Variants in SUGCT observed in about 807,000 individuals in gnomAD.
SUGCT encodes succinyl-CoA:glutarate-CoA transferase.
Under a neutral mutation model 55.0 loss-of-function variants are expected in SUGCT, and 41 were observed. That is an observed-to-expected ratio of 0.74 (90% CI 0.58 to 0.97). SUGCT has a LOEUF of 0.97. SUGCT is among the 50% of genes least tolerant of loss of function. The pLI, the probability that SUGCT is intolerant of heterozygous loss-of-function variation, is 0.00. For synonymous variants in SUGCT, 187 were observed against 200.4 expected (o/e 0.93, Z 0.56); for missense variants, 568 against 547.8 (o/e 1.04, Z -0.37).
At position 40,675,159 on chromosome 7, in the gene SUGCT, C is replaced by G. The variant is rs373633761; in HGVS notation, c.1090-74275C>G. Among the ~76,000 whole-genome samples, 74 of 150,184 alleles carry G rather than the reference C, an allele frequency of 4.9e-4. 4 individuals are homozygous for G. The South Asian group carries it at 0.01, about 21-fold the overall frequency. ...CACTGCAACCTCCGCCTCTTGGGTT[C>G]AAGCAATTCTCCTGCCTCAGCTCCC... On this transcript the variant is annotated intron_variant, in intron 12 of 13. Transcript: ENST00000335693.
At chr7:40,147,680 G>C (rs1490023429) in intron 1 of SUGCT, among the ~76,000 whole-genome samples, 1 of 152,214 alleles carries the variant, frequency 6.6e-6, no homozygotes, top group Non-Finnish European at 1.5e-5. Context: ...CCGCGTTGCT[G>C]AGAGCTCGGG....
intron 8 of SUGCT, among the ~76,000 whole-genome samples, chr7:40,300,006 T>G (rs1255781262): frequency 6.6e-6 from 1 of 152,186 alleles, no homozygotes; most frequent in Non-Finnish European, 1.5e-5. Flanking sequence ...GGGGGTTGTT[T>G]TTCCTGGATG....
chr7:40,842,040 A>G (rs534536675), intron 13 of SUGCT, among the ~76,000 whole-genome samples: 1 of 152,340 alleles, frequency 6.6e-6, no homozygotes, highest in African/African-American at 2.4e-5. Context: ...TAACCACAGA[A>G]TTAATATTAG....
intron 13 of SUGCT, among the ~76,000 whole-genome samples, chr7:40,825,838 A>T (rs149689682): frequency 1.3e-5 from 2 of 152,214 alleles, no homozygotes; most frequent in Non-Finnish European, 1.5e-5. Context: ...CATGGCATAG[A>T]AACTCGTATT....
At chr7:40,397,763 T>A (rs182675740) in intron 9 of SUGCT, among the ~76,000 whole-genome samples, 2 of 152,276 alleles carry the variant, frequency 1.3e-5, no homozygotes, top group Admixed American at 1.3e-4. Context: ...TTGCTGGTAT[T>A]CTTGTGATCA....
chr7:40,499,808 C>A (rs1792183248), intron 12 of SUGCT, among the ~76,000 whole-genome samples: 1 of 152,082 alleles, frequency 6.6e-6, no homozygotes, highest in Admixed American at 6.6e-5. Context: ...TTCTTTTAAT[C>A]AAGCCAAGAT....
At chr7:40,218,152 G>A (rs1406095553) in intron 6 of SUGCT, among the ~76,000 whole-genome samples, 3 of 152,198 alleles carry the variant, frequency 2.0e-5, no homozygotes, top group Non-Finnish European at 2.9e-5. Context: ...GGCAGAGGCT[G>A]CCGTGAGCTG....
rs35917913 is a variant in SUGCT at position 40,145,509 on chromosome 7, CT to C, written c.100+10403del. The stretch of plus-strand genomic sequence containing the variant: ...GTTTTTACATAAATTCTCCTCCCCA[CT>C]TTTTTTTTTTTTTCTCAAAGATAAT... On this transcript the variant is annotated intron_variant, in intron 1 of 13. Transcript: ENST00000335693. 1.7e-3 allele frequency among the ~76,000 whole-genome samples: 253 copies of C among 144,890 alleles called. 2 individuals carry two copies. Among genetic ancestry groups the C allele is most frequent in the South Asian group, 0.014 (63 of 4,598 alleles).
At chr7:40,823,779 T>G (rs1340394861) in intron 13 of SUGCT, among the ~76,000 whole-genome samples, 2 of 152,170 alleles carry the variant, frequency 1.3e-5, no homozygotes, top group Non-Finnish European at 2.9e-5. Context: ...TTTATTTCCC[T>G]TAAGTTTCAA....
At chr7:40,994,590 C>G in the SUGCT span, among the ~76,000 whole-genome samples, 1 of 152,176 alleles carries the variant, frequency 6.6e-6, no homozygotes, top group Admixed American at 6.5e-5. Flanking sequence ...AATGCAGGGC[C>G]TGGCCAGAGA....
chr7:40,715,315 C>T (rs1785963148), intron 12 of SUGCT, among the ~76,000 whole-genome samples: 1 of 152,092 alleles, frequency 6.6e-6, no homozygotes, highest in Non-Finnish European at 1.5e-5. Context: ...GTGACCTCAT[C>T]TATACAATTG....
chr7:40,381,411 C>G (rs952043928), intron 9 of SUGCT, among the ~76,000 whole-genome samples: 1 of 151,966 alleles, frequency 6.6e-6, no homozygotes, highest in Non-Finnish European at 1.5e-5. Flanking sequence ...CTTTTGTTCA[C>G]ATGGATAAAG....
chr7:40,881,623 G>T, the SUGCT span, among the ~76,000 whole-genome samples: 1 of 152,232 alleles, frequency 6.6e-6, no homozygotes, highest in Non-Finnish European at 1.5e-5. Flanking sequence ...TTCTTAACAT[G>T]ATAGTTGCAT....
At chr7:40,984,738 G>C in the SUGCT span, among the ~76,000 whole-genome samples, 3 of 152,084 alleles carry the variant, frequency 2.0e-5, no homozygotes, top group Admixed American at 6.6e-5. Flanking sequence ...GGACAATGTC[G>C]GTGGAAACAT....
chr7:40,577,427 A>G (rs535778782), intron 12 of SUGCT, among the ~76,000 whole-genome samples: 23 of 148,412 alleles, frequency 1.5e-4, no homozygotes, highest in Admixed American at 4.7e-4. Flanking sequence ...TTTTTTTTTT[A>G]TGGCATGTTG....
chr7:40,455,051 T>C (rs1789403755), intron 10 of SUGCT, among the ~76,000 whole-genome samples: 1 of 152,190 alleles, frequency 6.6e-6, no homozygotes, highest in Non-Finnish European at 1.5e-5. Context: ...TTTCAGTGTA[T>C]GTAGATCTAA....
intron 12 of SUGCT, among the ~76,000 whole-genome samples, chr7:40,658,984 C>A (rs1269567193): frequency 6.6e-6 from 1 of 152,102 alleles, no homozygotes; most frequent in Non-Finnish European, 1.5e-5. Context: ...CTCTATTTGT[C>A]CCTACAAGAC....
intron 3 of SUGCT, among the ~76,000 whole-genome samples, chr7:40,185,547 CTT>C (rs1227950225): frequency 6.6e-6 from 1 of 151,868 alleles, no homozygotes; most frequent in Non-Finnish European, 1.5e-5. Context: ...TTGAGACAGA[CTT>C]TTCGCTCTTC....
At chr7:40,502,230 T>C (rs1457139368) in intron 12 of SUGCT, among the ~76,000 whole-genome samples, 1 of 152,044 alleles carries the variant, frequency 6.6e-6, no homozygotes, top group Non-Finnish European at 1.5e-5. Context: ...TATTTCAGAG[T>C]GGAAATATAT....
Sources: gnomAD v4.1 joint callset for allele counts (sites outside exome capture counted in the v4.1 genomes callset) on GRCh38, gnomAD v4.1.1 for gene constraint, MANE v1.5 for transcripts, NCBI Gene and HGNC (gene_info 2026-07-23, HGNC 2026-07-21) for gene names.